Variants in KCNJ6 observed in about 807,000 individuals in gnomAD.
The protein encoded by KCNJ6 is G protein-activated inward rectifier potassium channel 2.
In KCNJ6, 9 loss-of-function variants were observed where a neutral mutation model predicts 34.2. The observed-to-expected ratio is 0.26, with a 90% CI of 0.16 to 0.46. The LOEUF is 0.46. Among genes scored for constraint, KCNJ6 ranks in the 20% least tolerant of loss-of-function variants. KCNJ6 has a pLI of 1.00. For missense variants in KCNJ6, 236 were observed against 531.3 expected, an observed-to-expected ratio of 0.44 and a Z score of 5.46; for synonymous variants, 196 against 207.1, an observed-to-expected ratio of 0.95 and a Z score of 0.46.
Position 37,811,886 on chromosome 21 carries a change from C to T in KCNJ6, c.25+28772G>A, listed in dbSNP as rs117395752. 2.5e-4 allele frequency among the ~76,000 whole-genome samples: 38 copies of T among 152,210 alleles called. No individual in the cohort carries two copies. The East Asian group carries it at 3.9e-3, about 15-fold the overall frequency. ...GGTGGTTATGCAATGAAAGGGGAGACATGGGAAACACACCAGAAGACATAA... is the reference window on the plus strand; with the variant it reads ...GGTGGTTATGCAATGAAAGGGGAGATATGGGAAACACACCAGAAGACATAA... On this transcript the variant is annotated intron_variant, in intron 2 of 3. Coordinates refer to ENST00000609713, the MANE Select transcript of KCNJ6 (RefSeq NM_002240.5).
chr21:37,685,680 CCAAAAAAAAAAA>C (rs1267398523), intron 3 of KCNJ6, among the ~76,000 whole-genome samples: 2 of 17,460 alleles, frequency 1.1e-4, no homozygotes, highest in Non-Finnish European at 5.9e-4. Context: ...GACTCTGTCT[CCAAAAAAAAAAA>C]AAAAAAAAAA....
intron 1 of KCNJ6, among the ~76,000 whole-genome samples, chr21:37,880,056 C>T (rs1033812998): frequency 2.0e-5 from 3 of 149,066 alleles, no homozygotes; most frequent in Non-Finnish European, 4.4e-5. Context: ...GTCAGGAAGT[C>T]GAGACCAGCC....
chr21:37,752,120 T>G (rs893222286), intron 2 of KCNJ6, among the ~76,000 whole-genome samples: 37 of 152,190 alleles, frequency 2.4e-4, no homozygotes, highest in Non-Finnish European at 4.7e-4. Flanking sequence ...TTCAGGAATC[T>G]TGGATCTGTC....
chr21:37,688,636 C>A (rs529012779), intron 3 of KCNJ6, among the ~76,000 whole-genome samples: 3 of 152,252 alleles, frequency 2.0e-5, no homozygotes, highest in Admixed American at 1.3e-4. Context: ...TGTGACACAA[C>A]CCACTGTTGG....
At chr21:37,876,763 A>T (rs1049925355) in intron 1 of KCNJ6, among the ~76,000 whole-genome samples, 2 of 152,144 alleles carry the variant, frequency 1.3e-5, no homozygotes, top group African/African-American at 4.8e-5. Flanking sequence ...CCCAGCAACA[A>T]TTGGACAAGT....
chr21:37,664,243 A>G (rs1053792459), intron 3 of KCNJ6, among the ~76,000 whole-genome samples: 13 of 152,270 alleles, frequency 8.5e-5, no homozygotes, highest in African/African-American at 3.1e-4. Context: ...CATTAGAAAA[A>G]AAGAAGAAAG....
At chr21:37,754,710 T>G (rs758733971) in intron 2 of KCNJ6, among the ~76,000 whole-genome samples, 10 of 152,208 alleles carry the variant, frequency 6.6e-5, no homozygotes, top group Non-Finnish European at 1.0e-4. Context: ...GGTAATATGT[T>G]GCTGTTGGGT....
intron 1 of KCNJ6, among the ~76,000 whole-genome samples, chr21:37,886,109 C>T (rs1203614664): frequency 6.6e-6 from 1 of 152,204 alleles, no homozygotes; most frequent in Non-Finnish European, 1.5e-5. Context: ...TCCTCCACTT[C>T]TCAAGACTCT....
chr21:37,887,235 C>T (rs914688692), intron 1 of KCNJ6, among the ~76,000 whole-genome samples: 1 of 152,286 alleles, frequency 6.6e-6, no homozygotes, highest in African/African-American at 2.4e-5. Flanking sequence ...GGTAGGGCTG[C>T]TCTGTTTTAT....
intron 1 of KCNJ6, among the ~76,000 whole-genome samples, chr21:37,914,916 GTT>G (rs11292118): frequency 0.021 from 3,016 of 144,640 alleles, 101 homozygotes; most frequent in African/African-American, 0.072. Flanking sequence ...GAGTTGTGGG[GTT>G]TTTTTTTTTT....
In KCNJ6 at chr21:37,615,633, G is replaced by C. The variant is rs1294550868; in HGVS notation, c.*9526C>G. 1 of 152,158 alleles carries C rather than the reference G, an allele frequency of 6.6e-6. No homozygotes were observed. Among genetic ancestry groups the C allele is most frequent in the East Asian group, 1.9e-4 (1 of 5,202 alleles). The allele number at this position is 152,158 out of a possible 1,614,324, so 9.4% of individuals were successfully genotyped here. A position where few individuals can be genotyped will look rare whatever the true frequency, so the allele number is the denominator to read the frequency against. ...AAGTTCAAGAAGAAATAGTATTCTG[G>C]AACTTTGCTCTGGGGGCAAAAATGA... is the stretch of plus-strand genomic sequence containing the variant. On this transcript the variant is annotated 3_prime_UTR_variant, in exon 4 of 4. Coordinates refer to ENST00000609713, the MANE Select transcript of KCNJ6 (RefSeq NM_002240.5).
rs2054298888 is a variant in KCNJ6 at position 37,623,712 on chromosome 21, C to A, written c.*1447G>T. The A allele has an allele frequency of 6.6e-6, 1 of 151,952 alleles. No homozygotes were observed. Among genetic ancestry groups the A allele is most frequent in the African/African-American group, 2.4e-5 (1 of 41,352 alleles). The allele number at this position is 151,952 out of a possible 1,614,324, so 9.4% of individuals were successfully genotyped here. A position where few individuals can be genotyped will look rare whatever the true frequency, so the allele number is the denominator to read the frequency against. On this transcript the variant is annotated 3_prime_UTR_variant, in exon 4 of 4. Transcript: ENST00000609713. The stretch of plus-strand genomic sequence containing the variant: ...TTTGTTTTCTTTTGATTGACAGACA[C>A]TGGATTTGATTTCTAGCCTGTGGCA...
At chr21:37,833,951 T>A (rs1474413486) in intron 2 of KCNJ6, among the ~76,000 whole-genome samples, 1 of 152,164 alleles carries the variant, frequency 6.6e-6, no homozygotes, top group Non-Finnish European at 1.5e-5. Context: ...CCCTGGGGTG[T>A]CTCGAAAGCT....
chr21:37,623,666 A>G lies in KCNJ6; in HGVS notation c.*1493T>C, dbSNP rs2054298632. On this transcript the variant is annotated 3_prime_UTR_variant, in exon 4 of 4. Coordinates refer to ENST00000609713, the MANE Select transcript of KCNJ6 (RefSeq NM_002240.5). ...CTTTCCTTTTTGCAGATTAAAGTGAATTAAGGCTGGAATTTTTTTATTTGT... is the reference window on the plus strand; with the variant it reads ...CTTTCCTTTTTGCAGATTAAAGTGAGTTAAGGCTGGAATTTTTTTATTTGT... 1 of 151,874 alleles carries G rather than the reference A, an allele frequency of 6.6e-6. No homozygotes were observed. Among genetic ancestry groups the G allele is most frequent in the Admixed American group, 6.6e-5 (1 of 15,250 alleles). The allele number at this position is 151,874 out of a possible 1,614,324, so 9.4% of individuals were successfully genotyped here. A position where few individuals can be genotyped will look rare whatever the true frequency, so the allele number is the denominator to read the frequency against.
At chr21:37,887,038 T>G (rs1023690726) in intron 1 of KCNJ6, among the ~76,000 whole-genome samples, 7 of 151,794 alleles carry the variant, frequency 4.6e-5, no homozygotes, top group African/African-American at 1.7e-4. Context: ...AGCCCTTCCT[T>G]CCCTCTCCTA....
intron 3 of KCNJ6, among the ~76,000 whole-genome samples, chr21:37,711,361 T>C (rs2054751280): frequency 6.6e-6 from 1 of 152,166 alleles, no homozygotes; most frequent in African/African-American, 2.4e-5. Context: ...AAGGTGGCCA[T>C]GTGGGCCTTC....
chr21:37,747,134 C>T (rs569322979), intron 2 of KCNJ6, among the ~76,000 whole-genome samples: 92 of 152,292 alleles, frequency 6.0e-4, no homozygotes, highest in Non-Finnish European at 9.9e-4. Context: ...GAGGAAAAGA[C>T]GCCCTGCCAG....
In KCNJ6 at chr21:37,625,210, T is replaced by G; in HGVS notation, c.1221A>C (p.Gln407His). 6.2e-7 allele frequency: 1 copy of G among 1,614,234 alleles called. No individual in the cohort carries two copies. Among genetic ancestry groups the G allele is most frequent in the Non-Finnish European group, 8.5e-7 (1 of 1,180,036 alleles). The change falls in exon 4 of 4, where the codon CAA (glutamine) becomes CAC (histidine). Residue 407 changes from glutamine to histidine, a missense_variant. Gln to His is a conservative substitution (Grantham distance 24). Around this residue, in one of 5 missense-constraint regions of KCNJ6, gnomAD observed 43 missense variants for 52.1 expected, o/e 0.82. Transcript: ENST00000609713. ...TTGCCACATCACCATTTCTTTCTGT[T>G]TGCTCTTCGAGGTTCTTTTCTTCCT... ...TEEEEKNLEE[Q>H]TERNGDVANL...
chr21:37,796,779 CTTTTTT>C lies in KCNJ6; in HGVS notation c.25+43873_25+43878del, dbSNP rs1172378200. ...GAGTGTTTGTGGGCTTTCTTTCTTT[CTTTTTT>C]TTTTTTTTTTTTTTTTTTTGAGACG... On this transcript the variant is annotated intron_variant, in intron 2 of 3. Coordinates refer to ENST00000609713, the MANE Select transcript of KCNJ6 (RefSeq NM_002240.5). Among the ~76,000 whole-genome samples, 8 of 71,472 alleles carry C rather than the reference CTTTTTT, an allele frequency of 1.1e-4. No individual in the cohort carries two copies. The East Asian group carries it at 1.9e-3, about 17-fold the overall frequency. The allele number at this position is 71,472 out of a possible 152,430, so 46.9% of individuals were successfully genotyped here.
Sources: allele counts gnomAD v4.1 joint callset (sites outside exome capture counted in the v4.1 genomes callset), GRCh38; gene constraint gnomAD v4.1.1; regional missense constraint gnomAD v4.1.1; transcripts MANE v1.5; gene names NCBI Gene and HGNC (gene_info 2026-07-23, HGNC 2026-07-21).